The following PIEZO1 variants were observed in gnomAD, a reference collection of about 807,000 sequenced individuals.
PIEZO1 encodes the protein piezo type mechanosensitive ion channel component 1 (Er blood group), also known as piezo-type mechanosensitive ion channel component 1.
Under a neutral mutation model 297.2 loss-of-function variants are expected in PIEZO1, and 296 were observed. The ratio of observed to expected loss-of-function variants is 1.00; its 90% CI spans 0.91 to 1.10. The LOEUF (loss-of-function observed/expected upper bound fraction) is 1.10, where lower values mean the gene tolerates loss of function less well. Among genes scored for constraint, PIEZO1 ranks in the 50% least tolerant of loss-of-function variants. The pLI is 0.00. For synonymous variants in PIEZO1, 2,427 were observed against 1,507.5 expected (o/e 1.61, Z -14.13); for missense variants, 5,018 against 3,455.5 (o/e 1.45, Z -11.34).
At chr16:88,725,768 G>A (rs749305052) in intron 27 of PIEZO1, 84 bp from the exon 28 acceptor site, 82 of 754,714 alleles carry the variant, frequency 1.1e-4, no homozygotes, top group Non-Finnish European at 1.8e-4. Flanking sequence ...CTCAGCCCGG[G>A]ACAGCTCAGC....
intron 1 of PIEZO1, among the ~76,000 whole-genome samples, chr16:88,773,713 C>A (rs1001288226): frequency 1.8e-4 from 27 of 151,528 alleles, no homozygotes; most frequent in Non-Finnish European, 2.7e-4. Context: ...GAGTGGACAG[C>A]AGCTGCCTAC....
intron 1 of PIEZO1, among the ~76,000 whole-genome samples, chr16:88,782,798 C>G (rs780044510): frequency 6.6e-6 from 1 of 152,164 alleles, no homozygotes; most frequent in African/African-American, 2.4e-5. Flanking sequence ...CCATCTGGAG[C>G]TGCCCACACC....
Position 88,784,942 on chromosome 16 carries a change from G to A in PIEZO1, c.23C>T (p.Ala8Val). Reference protein sequence around the residue: MEPHVLGAVLYWLLLPCA... With the variant: MEPHVLGVVLYWLLLPCA... ...GGGCAGCAGCAGCCAGTACAGGACC[G>A]CGCCGAGCACGTGCGGCTCCATGGC... Residue 8 changes from alanine (A) to valine (V), a missense_variant, in exon 1 of 51, where the codon GCG (alanine) becomes GTG (valine). Transcript: ENST00000301015. The A allele has an allele frequency of 2.2e-6, 3 of 1,392,972 alleles. No individual in the cohort carries two copies. Among genetic ancestry groups the A allele is most frequent in the Non-Finnish European group, 1.9e-6 (2 of 1,065,842 alleles). The allele number at this position is 1,392,972 out of a possible 1,614,324, so 86.3% of individuals were successfully genotyped here. A position where few individuals can be genotyped will look rare whatever the true frequency, so the allele number is the denominator to read the frequency against.
rs764737057 is a variant in PIEZO1 at position 88,726,452 on chromosome 16, T to C, written c.3800A>G (p.Lys1267Arg). The C allele has an allele frequency of 8.4e-6, 13 of 1,549,338 alleles. No individual in the cohort carries two copies. The South Asian group carries it at 1.3e-4, about 16-fold the overall frequency. The change falls in exon 27 of 51, where the codon AAG (lysine) becomes AGG (arginine). Residue 1267 changes from lysine (K) to arginine (R), a missense_variant. Lys to Arg is a conservative substitution (Grantham distance 26). Coordinates refer to ENST00000301015, the MANE Select transcript of PIEZO1 (RefSeq NM_001142864.4). ...VCTVKGYYDP[K>R]EMMDRDQDCL... ...GTCCTGGTCTCTGTCCATCATCTCC[T>C]TGGCTGCAAGGCAGGCACCGGCAAG...
chr16:88,755,860 GC>G (rs1906629143), intron 1 of PIEZO1, among the ~76,000 whole-genome samples: 1 of 152,294 alleles, frequency 6.6e-6, no homozygotes, highest in South Asian at 2.1e-4. Flanking sequence ...AGACAGTGGC[GC>G]TCAGGAGTCA....
At chr16:88,741,456 C>T (rs896724097) in intron 5 of PIEZO1, 22 bp downstream of exon 5, 19 of 1,523,942 alleles carry the variant, frequency 1.2e-5, no homozygotes, top group East Asian at 1.2e-4. Context: ...CCCTGACACA[C>T]GGGTGACGCA....
At chr16:88,741,190 G>A (rs1408227672) in intron 5 of PIEZO1, 30 of 295,486 alleles carry the variant, frequency 1.0e-4, no homozygotes, top group Non-Finnish European at 1.0e-4. Context: ...TTCCACCACC[G>A]CGTGGCCCCA....
chr16:88,756,721 T>C (rs983337835), intron 1 of PIEZO1, among the ~76,000 whole-genome samples: 3 of 151,250 alleles, frequency 2.0e-5, no homozygotes, highest in African/African-American at 7.3e-5. Context: ...TGAGCTGAGA[T>C]TATGTCACTG....
chr16:88,776,423 G>A (rs1265314333), intron 1 of PIEZO1, among the ~76,000 whole-genome samples: 1 of 151,218 alleles, frequency 6.6e-6, no homozygotes, highest in African/African-American at 2.5e-5. Flanking sequence ...GACAGAGCGA[G>A]ACTCTGTCTC....
intron 1 of PIEZO1, among the ~76,000 whole-genome samples, chr16:88,767,691 G>C (rs530455319): frequency 6.1e-4 from 93 of 152,254 alleles, no homozygotes; most frequent in African/African-American, 2.2e-3. Context: ...GAGGAACCAG[G>C]GTCCCCAAAG....
chr16:88,766,569 C>CA (rs1907189641), intron 1 of PIEZO1, among the ~76,000 whole-genome samples: 1 of 152,246 alleles, frequency 6.6e-6, no homozygotes, highest in Non-Finnish European at 1.5e-5. Flanking sequence ...CAGGCACACA[C>CA]CCACCTACCT....
chr16:88,721,660 G>T lies in PIEZO1; in HGVS notation c.5281C>A (p.Arg1761=). Residue 1761 remains arginine (R), a synonymous_variant, in exon 38 of 51, where the codon CGG becomes AGG. Coordinates refer to ENST00000301015, the MANE Select transcript of PIEZO1 (RefSeq NM_001142864.4). ...FFPWNSHVVL[R]RYENKPYFPP... Reference sequence around the variant, plus strand: ...AAGTAGGGCTTGTTCTCGTAGCGCCGCAGCACCACGTGGCTGTTCCAGGGG... The same window carrying T: ...AAGTAGGGCTTGTTCTCGTAGCGCCTCAGCACCACGTGGCTGTTCCAGGGG... The T allele has an allele frequency of 6.5e-7, 1 of 1,549,972 alleles. No individual in the cohort carries two copies. The highest frequency in any genetic ancestry group is 8.7e-7 in the Non-Finnish European group (1 of 1,146,794).
At chr16:88,757,814 G>C (rs1217375121) in intron 1 of PIEZO1, among the ~76,000 whole-genome samples, 1 of 152,178 alleles carries the variant, frequency 6.6e-6, no homozygotes. Context: ...ACTGAGCCCA[G>C]CATGGCCCAG....
chr16:88,773,517 G>A (rs371267780), intron 1 of PIEZO1, among the ~76,000 whole-genome samples: 74 of 152,290 alleles, frequency 4.9e-4, no homozygotes, highest in African/African-American at 1.6e-3. Context: ...AGCAGCTGGC[G>A]CTTCCCCTCA....
intron 1 of PIEZO1, among the ~76,000 whole-genome samples, chr16:88,755,539 C>T (rs999427685): frequency 6.0e-4 from 91 of 152,390 alleles, no homozygotes; most frequent in East Asian, 1.9e-4. Flanking sequence ...AGAGCTCTAC[C>T]TGCCTGGAGG....
chr16:88,732,999 G>GTC, intron 19 of PIEZO1: 1 of 581,318 alleles, frequency 1.7e-6, no homozygotes, highest in South Asian at 2.1e-5. Context: ...ATGCCTGACT[G>GTC]TCTCTCCCTG....
At chr16:88,726,526 G>T (rs761028404) in intron 26 of PIEZO1, 21 bp downstream of exon 26, 2 of 1,546,380 alleles carry the variant, frequency 1.3e-6, no homozygotes, top group Non-Finnish European at 1.7e-6. Context: ...GCCCTCCCCC[G>T]CCACCGTCCT....
At chr16:88,770,737 C>T (rs893628713) in intron 1 of PIEZO1, among the ~76,000 whole-genome samples, 12 of 152,238 alleles carry the variant, frequency 7.9e-5, no homozygotes, top group Admixed American at 5.2e-4. Context: ...ACCCTGAGCA[C>T]GCCCCACGGT....
Position 88,726,620 on chromosome 16 carries a change from C to T in PIEZO1, c.3723G>A (p.Glu1241=), listed in dbSNP as rs898435190. 2 of 1,548,614 alleles carry T rather than the reference C, an allele frequency of 1.3e-6. No homozygotes were observed. Among genetic ancestry groups the T allele is most frequent in the South Asian group, 2.4e-5 (2 of 83,988 alleles). ...CCCAGCAGAAGCCGGTCTGCATCTG[C>T]TCCACGAAGACGCAGGCCAGGAGCT... is the stretch of plus-strand genomic sequence containing the variant. ...MLSLLACVFV[E]QMQTGFCWVI... Residue 1241 remains glutamate, a synonymous_variant, in exon 26 of 51, where the codon GAG becomes GAA. Transcript: ENST00000301015.
Sources: allele counts gnomAD v4.1 joint callset (sites outside exome capture counted in the v4.1 genomes callset), GRCh38; gene constraint gnomAD v4.1.1; transcripts MANE v1.5; gene names NCBI Gene and HGNC (gene_info 2026-07-23, HGNC 2026-07-21).